Variants in PPP2CA observed in about 807,000 individuals in gnomAD.
PPP2CA encodes serine/threonine-protein phosphatase 2A catalytic subunit alpha isoform.
PPP2CA carries 5 observed loss-of-function variants against 38.8 expected under a neutral mutation model. That is an observed-to-expected ratio of 0.13 (90% confidence interval 0.07 to 0.27). The LOEUF is 0.27. Ranked by LOEUF, PPP2CA falls within the 10% of genes least tolerant of loss-of-function variation. The probability of loss-of-function intolerance (pLI) is 1.00; values close to 1 mark genes in which losing one functional copy is unlikely to be tolerated. For missense variants in PPP2CA, 88 were observed against 389.7 expected (o/e 0.23, Z 6.52); for synonymous variants, 152 against 134.0 (o/e 1.13, Z -0.93).
rs1051690531 is a variant in PPP2CA, at chr5:134,196,015, G to C, written c.*1757C>G. 6.6e-6 allele frequency: 1 copy of C among 152,210 alleles called. No individual in the cohort carries two copies. Among genetic ancestry groups the C allele is most frequent in the Non-Finnish European group, 1.5e-5 (1 of 68,040 alleles). The allele number at this position is 152,210 out of a possible 1,614,324, so 9.4% of individuals were successfully genotyped here. On this transcript the variant is annotated 3_prime_UTR_variant, in exon 7 of 7. Coordinates refer to ENST00000481195, the MANE Select transcript of PPP2CA (RefSeq NM_002715.4). ...TGGATAAGCTATTTGTTCAGTCGGA[G>C]AGAAAGGGCATAGAGTGACAGAGCA... is the stretch of plus-strand genomic sequence containing the variant.
intron 6 of PPP2CA, among the ~76,000 whole-genome samples, chr5:134,198,259 G>C (rs1761896503): frequency 6.6e-6 from 1 of 152,048 alleles, no homozygotes; most frequent in Non-Finnish European, 1.5e-5. Context: ...CGGGCGTGGT[G>C]GCAGACGCCT....
At chr5:134,208,283 C>T (rs1043787737) in intron 1 of PPP2CA, among the ~76,000 whole-genome samples, 1 of 152,160 alleles carries the variant, frequency 6.6e-6, no homozygotes, top group African/African-American at 2.4e-5. Flanking sequence ...TCAGGACTGC[C>T]TGAAGTTCCT....
chr5:134,201,171 G>A (rs958433417), intron 3 of PPP2CA, 97 bp from the exon 4 acceptor site: 1 of 896,428 alleles, frequency 1.1e-6, no homozygotes, highest in Admixed American at 2.1e-5. Flanking sequence ...CAGCACTTTG[G>A]GAAGCTGAGG....
At chr5:134,224,992 G>A (rs1762534646) in intron 1 of PPP2CA, among the ~76,000 whole-genome samples, 1 of 152,202 alleles carries the variant, frequency 6.6e-6, no homozygotes, top group Non-Finnish European at 1.5e-5. Flanking sequence ...TGCCAAGTGT[G>A]TTAAGCTTAG....
chr5:134,208,266 T>C (rs1476649524), intron 1 of PPP2CA, among the ~76,000 whole-genome samples: 1 of 152,224 alleles, frequency 6.6e-6, no homozygotes, highest in Non-Finnish European at 1.5e-5. Context: ...TAATAAAAAG[T>C]TGACTTTCAG....
chr5:134,208,584 A>G (rs1237879432), intron 1 of PPP2CA, among the ~76,000 whole-genome samples: 1 of 152,070 alleles, frequency 6.6e-6, no homozygotes, highest in Admixed American at 6.5e-5. Flanking sequence ...AGATAATCCT[A>G]TCGTAAATAT....
intron 1 of PPP2CA, among the ~76,000 whole-genome samples, chr5:134,223,685 T>C (rs990158413): frequency 2.0e-5 from 3 of 152,176 alleles, no homozygotes; most frequent in African/African-American, 7.2e-5. Context: ...CACTCTAGCA[T>C]CCAGTATTAT....
intron 1 of PPP2CA, among the ~76,000 whole-genome samples, chr5:134,209,556 G>C (rs948776040): frequency 1.3e-5 from 2 of 152,222 alleles, no homozygotes; most frequent in East Asian, 3.9e-4. Context: ...GAGGCGAGTG[G>C]ATCACTTGAG....
chr5:134,211,476 A>AT lies in PPP2CA; in HGVS notation c.103-5346dup, dbSNP rs59314759. On this transcript the variant is annotated intron_variant, in intron 1 of 6. Transcript: ENST00000481195. ...TCCATGCTGTTTTTCATGGAAGACA[A>AT]TTTTTTTTTTTTTTTTTGAGACAGA... 1.0e-3 allele frequency among the ~76,000 whole-genome samples: 135 copies of AT among 131,796 alleles called. No homozygotes were observed. The East Asian group carries it at 0.014, about 14-fold the overall frequency. 86.5% of individuals were successfully genotyped at this position (131,796 alleles called of 152,430 possible). A position where few individuals can be genotyped will look rare whatever the true frequency, so the allele number is the denominator to read the frequency against.
At chr5:134,210,627 T>C (rs1238698421) in intron 1 of PPP2CA, among the ~76,000 whole-genome samples, 1 of 152,192 alleles carries the variant, frequency 6.6e-6, no homozygotes, top group East Asian at 1.9e-4. Context: ...GTGGATCATT[T>C]GAGGTCAAGA....
chr5:134,197,649 C>G lies in PPP2CA; in HGVS notation c.*123G>C. The stretch of plus-strand genomic sequence containing the variant: ...TTTTTATATGGCACATCTTTTGGTC[C>G]ATGTGAAAACAAGTTTTTTGAATGT... On this transcript the variant is annotated 3_prime_UTR_variant, in exon 7 of 7. Transcript: ENST00000481195. 1.3e-6 allele frequency: 1 copy of G among 756,730 alleles called. No individual in the cohort carries two copies. Among genetic ancestry groups the G allele is most frequent in the Middle Eastern group, 2.4e-4 (1 of 4,162 alleles). 46.9% of individuals were successfully genotyped at this position (756,730 alleles called of 1,614,324 possible). A position where few individuals can be genotyped will look rare whatever the true frequency, so the allele number is the denominator to read the frequency against.
chr5:134,215,259 A>G (rs1163054744), intron 1 of PPP2CA, among the ~76,000 whole-genome samples: 1 of 152,140 alleles, frequency 6.6e-6, no homozygotes, highest in Non-Finnish European at 1.5e-5. Context: ...ACCACACCCA[A>G]CTAATTTATT....
chr5:134,198,490 G>C (rs1226381889), intron 6 of PPP2CA, among the ~76,000 whole-genome samples: 1 of 152,066 alleles, frequency 6.6e-6, no homozygotes, highest in East Asian at 1.9e-4. Context: ...GTTCCTGTTG[G>C]TGTGTTTCAA....
intron 1 of PPP2CA, among the ~76,000 whole-genome samples, chr5:134,216,859 G>C (rs1762331327): frequency 6.6e-6 from 1 of 152,128 alleles, no homozygotes; most frequent in Admixed American, 6.6e-5. Context: ...GTCAATGCAG[G>C]CCTAACCTGT....
intron 1 of PPP2CA, among the ~76,000 whole-genome samples, chr5:134,219,594 C>T (rs921816816): frequency 6.6e-6 from 1 of 152,208 alleles, no homozygotes. Flanking sequence ...CAACTGGTCA[C>T]ATTTAGTTTA....
intron 1 of PPP2CA, among the ~76,000 whole-genome samples, chr5:134,224,567 T>C (rs1323723433): frequency 2.6e-5 from 4 of 152,238 alleles, no homozygotes; most frequent in Admixed American, 1.3e-4. Context: ...ACTCCACTAT[T>C]CTGTACTAAA....
chr5:134,209,408 CAGAT>C (rs1176974996), intron 1 of PPP2CA, among the ~76,000 whole-genome samples: 1 of 152,170 alleles, frequency 6.6e-6, no homozygotes, highest in Admixed American at 6.6e-5. Flanking sequence ...TACCAGCTCT[CAGAT>C]AGTTACAACA....
At chr5:134,208,974 T>C (rs543326112) in intron 1 of PPP2CA, among the ~76,000 whole-genome samples, 31 of 152,282 alleles carry the variant, frequency 2.0e-4, no homozygotes, top group African/African-American at 7.2e-4. Flanking sequence ...TACAGCAATA[T>C]ATATCCTCGT....
intron 1 of PPP2CA, among the ~76,000 whole-genome samples, chr5:134,214,798 A>G (rs1450505888): frequency 6.6e-6 from 1 of 152,088 alleles, no homozygotes; most frequent in African/African-American, 2.4e-5. Flanking sequence ...ATATAGCCAG[A>G]AATTTTCTAT....
Sources: allele counts gnomAD v4.1 joint callset (sites outside exome capture counted in the v4.1 genomes callset), GRCh38; gene constraint gnomAD v4.1.1; transcripts MANE v1.5; gene names NCBI Gene and HGNC (gene_info 2026-07-23, HGNC 2026-07-21).